The following NBAS variants were observed in gnomAD, a reference collection of about 807,000 sequenced individuals.
The protein encoded by NBAS is NAG/BC035112 fusion.
A neutral mutation model predicts 302.5 loss-of-function variants in NBAS; 219 were observed. The ratio of observed to expected loss-of-function variants is 0.72; its 90% confidence interval spans 0.65 to 0.81. The LOEUF is 0.81. Among genes scored for constraint, NBAS ranks in the 30% least tolerant of loss-of-function variants. The probability of loss-of-function intolerance (pLI) is 0.00; values close to 1 mark genes in which losing one functional copy is unlikely to be tolerated. For missense variants in NBAS, 2,932 were observed against 2,841.6 expected, an observed-to-expected ratio of 1.03 and a Z score of -0.72; for synonymous variants, 1,118 against 1,021.6, an observed-to-expected ratio of 1.09 and a Z score of -1.80.
the NBAS span, among the ~76,000 whole-genome samples, chr2:14,812,538 T>G: frequency 3.9e-5 from 6 of 152,232 alleles, no homozygotes; most frequent in African/African-American, 1.4e-4. Context: ...AGAACTGTGT[T>G]GTTTTTATCA....
chr2:15,203,870 C>G (rs796697463), intron 48 of NBAS, among the ~76,000 whole-genome samples: 37 of 128,180 alleles, frequency 2.9e-4, no homozygotes, highest in Middle Eastern at 4.6e-3. Context: ...GTGTCTGTGT[C>G]TGTGTGTGTG....
At chr2:15,346,793 C>T (rs1040771373) in intron 35 of NBAS, among the ~76,000 whole-genome samples, 2 of 152,166 alleles carry the variant, frequency 1.3e-5, no homozygotes, top group Non-Finnish European at 2.9e-5. Context: ...AAATGTGGTA[C>T]ATATATACCA....
At chr2:15,464,052 G>A (rs192630208) in intron 19 of NBAS, among the ~76,000 whole-genome samples, 4 of 152,246 alleles carry the variant, frequency 2.6e-5, no homozygotes, top group Admixed American at 2.6e-4. Flanking sequence ...AATGGTTGGT[G>A]CTGAGCAATG....
the NBAS span, among the ~76,000 whole-genome samples, chr2:15,058,184 G>C: frequency 2.0e-5 from 3 of 152,218 alleles, no homozygotes; most frequent in Admixed American, 6.5e-5. Context: ...GAATCGATCA[G>C]TGGTTCTCAA....
At chr2:14,848,137 G>C in the NBAS span, among the ~76,000 whole-genome samples, 4 of 152,010 alleles carry the variant, frequency 2.6e-5, no homozygotes, top group East Asian at 1.9e-4. Flanking sequence ...CGCAGAAGAC[G>C]GGTGATTTCT....
At chr2:15,027,727 C>T in the NBAS span, among the ~76,000 whole-genome samples, 1 of 152,090 alleles carries the variant, frequency 6.6e-6, no homozygotes, top group Non-Finnish European at 1.5e-5. Flanking sequence ...GAATTTTTTT[C>T]CATTTAGGAT....
the NBAS span, among the ~76,000 whole-genome samples, chr2:15,047,150 T>C: frequency 6.6e-6 from 1 of 152,238 alleles, no homozygotes; most frequent in Non-Finnish European, 1.5e-5. Flanking sequence ...CTGCCTAACC[T>C]GCTGGCAATA....
intron 47 of NBAS, among the ~76,000 whole-genome samples, chr2:15,223,080 C>T (rs902563543): frequency 2.6e-5 from 4 of 152,112 alleles, no homozygotes; most frequent in Non-Finnish European, 4.4e-5. Context: ...CTCAAGAAAA[C>T]GACACAGAAA....
chr2:14,944,089 G>C, the NBAS span, among the ~76,000 whole-genome samples: 86 of 152,194 alleles, frequency 5.7e-4, no homozygotes, highest in Non-Finnish European at 1.1e-3. Flanking sequence ...CACGAGGTCA[G>C]GAGATCGAGA....
intron 50 of NBAS, among the ~76,000 whole-genome samples, chr2:15,186,325 G>A (rs866736420): frequency 2.1e-4 from 32 of 152,052 alleles, no homozygotes; most frequent in African/African-American, 7.0e-4. Flanking sequence ...ATGCAATCTC[G>A]TTACAATGAT....
At chr2:14,946,848 G>GA in the NBAS span, among the ~76,000 whole-genome samples, 6 of 151,944 alleles carry the variant, frequency 3.9e-5, no homozygotes, top group African/African-American at 1.5e-4. Flanking sequence ...GACTAAAGTG[G>GA]AAAAAAATCA....
the NBAS span, among the ~76,000 whole-genome samples, chr2:14,976,806 G>C: frequency 6.6e-6 from 1 of 152,178 alleles, no homozygotes; most frequent in African/African-American, 2.4e-5. Context: ...AGTGATTGAA[G>C]TTATGCATCC....
chr2:15,303,912 T>C (rs1398074106), intron 40 of NBAS, among the ~76,000 whole-genome samples: 2 of 152,206 alleles, frequency 1.3e-5, no homozygotes, highest in Non-Finnish European at 2.9e-5. Context: ...GCCAGTCTAA[T>C]CCACATTTAC....
chr2:14,942,164 T>C, the NBAS span, among the ~76,000 whole-genome samples: 1 of 152,222 alleles, frequency 6.6e-6, no homozygotes, highest in African/African-American at 2.4e-5. Flanking sequence ...ATAACTATTC[T>C]ACCTCGTTCA....
the NBAS span, among the ~76,000 whole-genome samples, chr2:15,144,069 C>CCTATATATATATATATATATA: frequency 0.015 from 1,371 of 89,000 alleles, 79 homozygotes; most frequent in East Asian, 0.084. Flanking sequence ...ATATATATAT[C>CCTATATATATATATATATATA]TCCCATTAGT....
chr2:14,856,648 A>C, the NBAS span, among the ~76,000 whole-genome samples: 1 of 152,162 alleles, frequency 6.6e-6, no homozygotes. Context: ...GAGCTGAAAA[A>C]TGCAGTTGGC....
At chr2:15,451,760 A>AAGTT (rs1435464323) in intron 21 of NBAS, among the ~76,000 whole-genome samples, 57 of 152,280 alleles carry the variant, frequency 3.7e-4, no homozygotes, top group African/African-American at 1.4e-3. Context: ...AAGACACTAG[A>AAGTT]AGTTCCCTTC....
the NBAS span, among the ~76,000 whole-genome samples, chr2:14,820,182 A>C: frequency 2.6e-5 from 4 of 152,244 alleles, no homozygotes; most frequent in African/African-American, 9.6e-5. Context: ...AAAAGAAAGG[A>C]AATCAGTGTA....
intron 21 of NBAS, among the ~76,000 whole-genome samples, chr2:15,442,656 G>C (rs1176522689): frequency 6.6e-6 from 1 of 151,564 alleles, no homozygotes; most frequent in Non-Finnish European, 1.5e-5. Context: ...TAAAATCAGA[G>C]CAGAACTGAA....
Sources: gnomAD v4.1 joint callset for allele counts (sites outside exome capture counted in the v4.1 genomes callset) on GRCh38, gnomAD v4.1.1 for gene constraint, MANE v1.5 for transcripts, NCBI Gene and HGNC (gene_info 2026-07-23, HGNC 2026-07-21) for gene names.